LINGO2: variants seen among roughly 807,000 people sequenced by gnomAD.
LINGO2 encodes the protein leucine-rich repeat and immunoglobulin-like domain-containing nogo receptor-interacting protein 2.
LINGO2 carries 14 observed loss-of-function variants against 30.6 expected under a neutral mutation model. That is an observed-to-expected ratio of 0.46 (90% CI 0.30 to 0.72). LINGO2 has a LOEUF of 0.72. Among genes scored for constraint, LINGO2 ranks in the 30% least tolerant of loss-of-function variants. LINGO2 has a pLI of 0.07. For missense variants in LINGO2, 729 were observed against 751.7 expected, an observed-to-expected ratio of 0.97 and a Z score of 0.35; for synonymous variants, 317 against 288.5, an observed-to-expected ratio of 1.10 and a Z score of -1.00.
chr9:28,068,994 C>A (rs1825395096), intron 4 of LINGO2, among the ~76,000 whole-genome samples: 1 of 152,044 alleles, frequency 6.6e-6, no homozygotes, highest in Non-Finnish European at 1.5e-5. Context: ...CAGAAACATG[C>A]AATTTGGAAG....
chr9:29,174,134 G>A, the LINGO2 span, among the ~76,000 whole-genome samples: 1 of 151,858 alleles, frequency 6.6e-6, no homozygotes, highest in Non-Finnish European at 1.5e-5. Context: ...AAAAATTAAT[G>A]TAAAAAGATA....
the LINGO2 span, among the ~76,000 whole-genome samples, chr9:28,916,864 G>C: frequency 6.6e-6 from 1 of 152,178 alleles, no homozygotes; most frequent in South Asian, 2.1e-4. Flanking sequence ...AATAGCCCTT[G>C]TCTTCCACCT....
the LINGO2 span, among the ~76,000 whole-genome samples, chr9:28,828,847 T>C: frequency 2.0e-5 from 3 of 151,990 alleles, no homozygotes; most frequent in Non-Finnish European, 4.4e-5. Context: ...CCAGGTGGTG[T>C]TTTCAGCAGT....
chr9:28,254,217 A>T (rs1179931514), intron 4 of LINGO2, among the ~76,000 whole-genome samples: 4 of 152,096 alleles, frequency 2.6e-5, no homozygotes, highest in Admixed American at 2.6e-4. Context: ...AAATTTTAGT[A>T]ATTTTTAACA....
the LINGO2 span, among the ~76,000 whole-genome samples, chr9:28,905,979 A>T: frequency 6.6e-6 from 1 of 152,096 alleles, no homozygotes; most frequent in African/African-American, 2.4e-5. Flanking sequence ...TTTAAGCCTT[A>T]AAAAAGAAGG....
chr9:28,630,546 G>A (rs1826888168), intron 1 of LINGO2, among the ~76,000 whole-genome samples: 1 of 151,958 alleles, frequency 6.6e-6, no homozygotes, highest in Non-Finnish European at 1.5e-5. Flanking sequence ...TTCTGAACAA[G>A]GAAATTCCCA....
chr9:28,030,235 A>C, intron 4 of LINGO2, among the ~76,000 whole-genome samples: 1 of 152,162 alleles, frequency 6.6e-6, no homozygotes, highest in East Asian at 1.9e-4. Context: ...ACTAACTTGG[A>C]ACATGAGAAA....
chr9:28,588,818 G>C (rs892791415), intron 1 of LINGO2, among the ~76,000 whole-genome samples: 6 of 152,124 alleles, frequency 3.9e-5, no homozygotes, highest in South Asian at 4.1e-4. Flanking sequence ...AGCATTTCAA[G>C]AACTTGTGGC....
intron 1 of LINGO2, among the ~76,000 whole-genome samples, chr9:28,514,183 C>T (rs1181434173): frequency 6.6e-6 from 1 of 152,204 alleles, no homozygotes; most frequent in Non-Finnish European, 1.5e-5. Context: ...TCCCGTATCT[C>T]TCTCCCTCTC....
At chr9:28,460,642 A>G (rs1825041011) in intron 2 of LINGO2, among the ~76,000 whole-genome samples, 1 of 152,180 alleles carries the variant, frequency 6.6e-6, no homozygotes, top group African/African-American at 2.4e-5. Flanking sequence ...CAGAAAAATG[A>G]TCTTTCAATG....
chr9:28,181,039 AG>A (rs1294315426), intron 4 of LINGO2, among the ~76,000 whole-genome samples: 1 of 152,138 alleles, frequency 6.6e-6, no homozygotes, highest in East Asian at 1.9e-4. Context: ...TATTAGATTT[AG>A]GTAAAAATTC....
the LINGO2 span, among the ~76,000 whole-genome samples, chr9:28,830,999 G>A: frequency 7.2e-5 from 11 of 152,236 alleles, no homozygotes; most frequent in Non-Finnish European, 1.5e-4. Flanking sequence ...GACTACAATG[G>A]AGCTTTTATC....
intron 4 of LINGO2, among the ~76,000 whole-genome samples, chr9:28,034,785 A>T (rs1305189473): frequency 6.6e-6 from 1 of 152,256 alleles, no homozygotes. Flanking sequence ...TTAATAATTT[A>T]AACTTACTTC....
Position 28,001,004 on chromosome 9 carries a change from T to G in LINGO2, c.-36+11351A>C, listed in dbSNP as rs1821922440. Among the ~76,000 whole-genome samples the G allele has an allele frequency of 3.9e-5, 6 of 152,384 alleles. No homozygotes were observed. The South Asian group carries it at 1.2e-3, about 32-fold the overall frequency. On this transcript the variant is annotated intron_variant, in intron 5 of 5. Coordinates refer to ENST00000379992, the Ensembl canonical transcript of LINGO2. ...ATTACTTTTACAAAATATTTTCGAC[T>G]AATTGATTACTACTTAACAAATCAA...
At chr9:28,250,668 C>A (rs1056926339) in intron 4 of LINGO2, among the ~76,000 whole-genome samples, 1 of 152,158 alleles carries the variant, frequency 6.6e-6, no homozygotes, top group Non-Finnish European at 1.5e-5. Context: ...TAACAAAGCA[C>A]CCTAACCCCT....
intron 4 of LINGO2, among the ~76,000 whole-genome samples, chr9:28,280,229 A>G (rs966926693): frequency 6.6e-6 from 1 of 152,160 alleles, no homozygotes; most frequent in Admixed American, 6.6e-5. Context: ...AGAGCTAATA[A>G]GTGTTCAACA....
chr9:29,208,107 A>T, the LINGO2 span, among the ~76,000 whole-genome samples: 1 of 152,074 alleles, frequency 6.6e-6, no homozygotes, highest in Non-Finnish European at 1.5e-5. Flanking sequence ...TCATAGATTA[A>T]ATCACTGAAC....
the LINGO2 span, among the ~76,000 whole-genome samples, chr9:28,875,475 AT>A: frequency 6.6e-5 from 10 of 152,258 alleles, no homozygotes; most frequent in East Asian, 1.7e-3. Flanking sequence ...CTCAAGAAAT[AT>A]AACAATACCA....
At chr9:28,149,292 T>G (rs546015038) in intron 4 of LINGO2, 7,806 of 591,162 alleles carry the variant, frequency 0.013, 89 homozygotes, top group Middle Eastern at 0.022. Context: ...GATTGAGACC[T>G]GAGGAGCATC....
Sources: allele counts gnomAD v4.1 joint callset (sites outside exome capture counted in the v4.1 genomes callset), GRCh38; gene constraint gnomAD v4.1.1; transcripts MANE v1.5; gene names NCBI Gene and HGNC (gene_info 2026-07-23, HGNC 2026-07-21).